The following HEPACAM variants were observed in gnomAD, a reference collection of about 807,000 sequenced individuals.
HEPACAM encodes the protein hepatocyte cell adhesion molecule.
In HEPACAM, 18 loss-of-function variants were observed where a neutral mutation model predicts 38.3. That is an observed-to-expected ratio of 0.47 (90% CI 0.33 to 0.70). The LOEUF is 0.70. HEPACAM is among the 30% of genes least tolerant of loss of function. The probability of loss-of-function intolerance (pLI) is 0.03; values close to 1 mark genes in which losing one functional copy is unlikely to be tolerated. For synonymous variants in HEPACAM, 216 were observed against 243.1 expected (o/e 0.89, Z 1.04); for missense variants, 466 against 563.0 (o/e 0.83, Z 1.74).
In HEPACAM at chr11:124,919,619, C is replaced by A; in HGVS notation, c.*1519G>T. The A allele has an allele frequency of 9.6e-7, 1 of 1,045,416 alleles. No individual in the cohort carries two copies. 64.8% of individuals were successfully genotyped at this position (1,045,416 alleles called of 1,614,324 possible). On this transcript the variant is annotated 3_prime_UTR_variant, in exon 7 of 7. Coordinates refer to ENST00000298251, the MANE Select transcript of HEPACAM (RefSeq NM_152722.5). Reference sequence around the variant, plus strand: ...GGGGAGCTGCGAAGGCACACCTGCTCAAATGAGCCTGGGGAAGTGCCGAGG... The same window carrying A: ...GGGGAGCTGCGAAGGCACACCTGCTAAAATGAGCCTGGGGAAGTGCCGAGG...
chr11:124,935,820 A>G (rs1591555295), intron 1 of HEPACAM, 102 bp downstream of exon 1: 1 of 925,530 alleles, frequency 1.1e-6, no homozygotes, highest in East Asian at 2.5e-5. Flanking sequence ...ACTCTCCCCC[A>G]CTCCTGCCCC....
Position 124,925,074 on chromosome 11 carries a change from G to A in HEPACAM, c.86-5C>T, listed in dbSNP as rs1947190312. 6.3e-7 allele frequency: 1 copy of A among 1,576,646 alleles called. No individual in the cohort carries two copies. Among genetic ancestry groups the A allele is most frequent in the African/African-American group, 1.3e-5 (1 of 74,172 alleles). On this transcript the variant is annotated splice_region_variant and splice_polypyrimidine_tract_variant and intron_variant, in intron 1 of 6. Transcript: ENST00000298251. ...TGTTCACCCCCTCCAGGGGGTCTGT[G>A]AACAGAGGCCCATGAGGAAGAGGGA...
rs751374382 is a variant in HEPACAM, at chr11:124,919,953, G to A, written c.*1185C>T. ...TGCCACTCCTATGAACTGTTCAATA[G>A]GCGGTGGCATGGGCATGTCCTGGCT... On this transcript the variant is annotated 3_prime_UTR_variant, in exon 7 of 7. Coordinates refer to ENST00000298251, the MANE Select transcript of HEPACAM (RefSeq NM_152722.5). 6.2e-7 allele frequency: 1 copy of A among 1,613,850 alleles called. No homozygotes were observed. Among genetic ancestry groups the A allele is most frequent in the South Asian group, 1.1e-5 (1 of 91,054 alleles).
intron 1 of HEPACAM, among the ~76,000 whole-genome samples, chr11:124,928,359 C>T (rs764350259): frequency 6.6e-6 from 1 of 152,164 alleles, no homozygotes; most frequent in Admixed American, 6.5e-5. Flanking sequence ...GTATGGATAA[C>T]AAGAGGTGGC....
In HEPACAM at chr11:124,921,063, G is replaced by A; in HGVS notation, c.*75C>T. On this transcript the variant is annotated 3_prime_UTR_variant, in exon 7 of 7. Coordinates refer to ENST00000298251, the MANE Select transcript of HEPACAM (RefSeq NM_152722.5). This position sits in a 1 kb window ranked among gnomAD's most constrained non-coding sequence, Gnocchi z 4.6. ...CCTCGTCCCCAGCGCGCCGCGCCCG[G>A]GCTTCCCAGCCCCAGCTTTCCCCCG... is the stretch of plus-strand genomic sequence containing the variant. 6.8e-7 allele frequency: 1 copy of A among 1,477,470 alleles called. No homozygotes were observed. The highest frequency in any genetic ancestry group is 1.3e-5 in the South Asian group (1 of 78,024). The allele number at this position is 1,477,470 out of a possible 1,614,324, so 91.5% of individuals were successfully genotyped here.
chr11:124,935,642 C>T lies in HEPACAM; in HGVS notation c.85+280G>A, dbSNP rs750663453. Among the ~76,000 whole-genome samples the T allele has an allele frequency of 7.2e-5, 11 of 152,324 alleles. No individual in the cohort carries two copies. The South Asian group carries it at 8.3e-4, about 11-fold the overall frequency. On this transcript the variant is annotated intron_variant, in intron 1 of 6. Transcript: ENST00000298251. ...GCCCACGCCAACAAGTCATCCCATA[C>T]GAAATGGCCCAGTGCCCGCCATCTA...
Position 124,921,500 on chromosome 11 carries a change from G to A in HEPACAM, c.949-60C>T. The A allele has an allele frequency of 9.1e-7, 1 of 1,096,974 alleles. No individual in the cohort carries two copies. The highest frequency in any genetic ancestry group is 1.2e-6 in the Non-Finnish European group (1 of 861,988). The allele number at this position is 1,096,974 out of a possible 1,614,324, so 68.0% of individuals were successfully genotyped here. A position where few individuals can be genotyped will look rare whatever the true frequency, so the allele number is the denominator to read the frequency against. Reference sequence around the variant, plus strand: ...GTCAGCCCAGCCTGGGAGCGCGCCTGGTGTTAGAGCTTGCTGGAATTCCGA... The same window carrying A: ...GTCAGCCCAGCCTGGGAGCGCGCCTAGTGTTAGAGCTTGCTGGAATTCCGA... On this transcript the variant is annotated intron_variant, in intron 6 of 6. Transcript: ENST00000298251. The surrounding 1 kb of genome is among the most constrained non-coding windows in gnomAD (Gnocchi z 4.6).
At position 124,924,859 on chromosome 11, in the gene HEPACAM, A is replaced by G. The variant is rs1295562862; in HGVS notation, c.296T>C (p.Ile99Thr). The part of the protein sequence containing the change: ...GTLRPDYRDR[I>T]RLFENGSLLL... ...CAGGGAGCCATTTTCAAAGAGTCGG[A>G]TACGGTCTCGATAGTCAGGCCGCAG... Residue 99 changes from isoleucine (I) to threonine (T), a missense_variant, in exon 2 of 7, where the codon ATC becomes ACC. Coordinates refer to ENST00000298251, the MANE Select transcript of HEPACAM (RefSeq NM_152722.5). The surrounding 1 kb of genome is among the most constrained non-coding windows in gnomAD (Gnocchi z 4.4). The G allele has an allele frequency of 6.2e-7, 1 of 1,614,038 alleles. No individual in the cohort carries two copies. Among genetic ancestry groups the G allele is most frequent in the East Asian group, 2.2e-5 (1 of 44,892 alleles).
At position 124,920,681 on chromosome 11, in the gene HEPACAM, A is replaced by T. The variant is rs1272246858; in HGVS notation, c.*457T>A. On this transcript the variant is annotated 3_prime_UTR_variant, in exon 7 of 7. Transcript: ENST00000298251. ...TGGCCTCTCTAATCTGAACTTGCAA[A>T]AAAAAAAAAAAAAAAAAAAAAAAAA... 1.6e-6 allele frequency: 1 copy of T among 607,476 alleles called. No homozygotes were observed. The highest frequency in any genetic ancestry group is 1.9e-6 in the Non-Finnish European group (1 of 531,008). 37.6% of individuals were successfully genotyped at this position (607,476 alleles called of 1,614,324 possible).
intron 1 of HEPACAM, among the ~76,000 whole-genome samples, chr11:124,930,908 C>T (rs770001114): frequency 6.6e-5 from 10 of 152,186 alleles, no homozygotes; most frequent in Non-Finnish European, 1.2e-4. Context: ...AGAAAACAGA[C>T]TATGTCCTTG....
intron 1 of HEPACAM, among the ~76,000 whole-genome samples, chr11:124,926,302 A>G (rs967198239): frequency 3.3e-5 from 5 of 152,264 alleles, no homozygotes; most frequent in African/African-American, 1.2e-4. Context: ...TACAGCAGAC[A>G]GAACACAAAA....
At chr11:124,931,895 A>G (rs1263793731) in intron 1 of HEPACAM, among the ~76,000 whole-genome samples, 1 of 152,274 alleles carries the variant, frequency 6.6e-6, no homozygotes, top group Non-Finnish European at 1.5e-5. Context: ...GCATATTCAT[A>G]CAATGGAATA....
chr11:124,920,728 A>T lies in HEPACAM; in HGVS notation c.*410T>A. Reference sequence around the variant, plus strand: ...AAAAAAAGTGCCCCAGCACTCAGGCATTTGTTCAGAGGGAAGGGTGGTGGG... The same window carrying T: ...AAAAAAAGTGCCCCAGCACTCAGGCTTTTGTTCAGAGGGAAGGGTGGTGGG... On this transcript the variant is annotated 3_prime_UTR_variant, in exon 7 of 7. Coordinates refer to ENST00000298251, the MANE Select transcript of HEPACAM (RefSeq NM_152722.5). 1.0e-6 allele frequency: 1 copy of T among 1,002,830 alleles called. No homozygotes were observed. The highest frequency in any genetic ancestry group is 4.8e-4 in the Middle Eastern group (1 of 2,074). The allele number at this position is 1,002,830 out of a possible 1,614,324, so 62.1% of individuals were successfully genotyped here.
intron 5 of HEPACAM, 74 bp from the exon 6 acceptor site, chr11:124,922,532 C>G (rs530973269): frequency 6.3e-7 from 1 of 1,597,232 alleles, no homozygotes; most frequent in African/African-American, 1.3e-5. Flanking sequence ...ACTCTCTGTG[C>G]TTCCCGAATG....
In HEPACAM at chr11:124,919,508, C is replaced by T; in HGVS notation, c.*1630G>A. ...GGCTGACCAGCAGGTACTCCTTATCCAAGTCCTGCTGCCTCTTCCACCTTC... is the reference window on the plus strand; with the variant it reads ...GGCTGACCAGCAGGTACTCCTTATCTAAGTCCTGCTGCCTCTTCCACCTTC... On this transcript the variant is annotated 3_prime_UTR_variant, in exon 7 of 7. Coordinates refer to ENST00000298251, the MANE Select transcript of HEPACAM (RefSeq NM_152722.5). The T allele has an allele frequency of 1.8e-6, 1 of 557,684 alleles. No homozygotes were observed. The highest frequency in any genetic ancestry group is 3.1e-5 in the Admixed American group (1 of 32,470). The allele number at this position is 557,684 out of a possible 1,614,324, so 34.5% of individuals were successfully genotyped here. A position where few individuals can be genotyped will look rare whatever the true frequency, so the allele number is the denominator to read the frequency against.
chr11:124,928,467 A>G (rs75516256), intron 1 of HEPACAM, among the ~76,000 whole-genome samples: 1,936 of 152,288 alleles, frequency 0.013, 42 homozygotes, highest in African/African-American at 0.044. Context: ...GTGCAGTAGT[A>G]TGCTATGCAC....
rs992348645 is a variant in HEPACAM at position 124,919,469 on chromosome 11, C to A, written c.*1669G>T. 2 of 468,236 alleles carry A rather than the reference C, an allele frequency of 4.3e-6. No individual in the cohort carries two copies. Among genetic ancestry groups the A allele is most frequent in the African/African-American group, 3.9e-5 (2 of 51,758 alleles). 29.0% of individuals were successfully genotyped at this position (468,236 alleles called of 1,614,324 possible). ...TGTTCTCATCTCACCCTAACCTTCACCTGTGCATCTCAAGGCTGACCAGCA... is the reference window on the plus strand; with the variant it reads ...TGTTCTCATCTCACCCTAACCTTCAACTGTGCATCTCAAGGCTGACCAGCA... On this transcript the variant is annotated 3_prime_UTR_variant, in exon 7 of 7. Transcript: ENST00000298251.
chr11:124,931,832 G>T (rs932876021), intron 1 of HEPACAM, among the ~76,000 whole-genome samples: 4 of 152,188 alleles, frequency 2.6e-5, no homozygotes, highest in African/African-American at 9.7e-5. Flanking sequence ...TGGTTGGATT[G>T]GTTTGGAAAC....
At position 124,924,209 on chromosome 11, in the gene HEPACAM, A is replaced by T. The variant is rs1017062416; in HGVS notation, c.428-199T>A. Among the ~76,000 whole-genome samples, 5 of 152,218 alleles carry T rather than the reference A, an allele frequency of 3.3e-5. No individual in the cohort carries two copies. Among genetic ancestry groups the T allele is most frequent in the Non-Finnish European group, 5.9e-5 (4 of 68,044 alleles). ...TTTCACTGACTATTTATGGAGCACC[A>T]ATTAGGCATGGCGGGTACAATGCTG... On this transcript the variant is annotated intron_variant, in intron 2 of 6. Transcript: ENST00000298251. This position sits in a 1 kb window ranked among gnomAD's most constrained non-coding sequence, Gnocchi z 4.4.
Sources: allele counts gnomAD v4.1 joint callset (sites outside exome capture counted in the v4.1 genomes callset), GRCh38; gene constraint gnomAD v4.1.1; non-coding constraint Gnocchi (gnomAD v3.1); transcripts MANE v1.5; gene names NCBI Gene and HGNC (gene_info 2026-07-23, HGNC 2026-07-21).